The following ATP13A4 variants were observed in gnomAD, a reference collection of about 807,000 sequenced individuals.
The protein encoded by ATP13A4 is ATPase 13A4, also known as probable cation-transporting ATPase 13A4.
In ATP13A4, 114 loss-of-function variants were observed where a neutral mutation model predicts 142.5. The ratio of observed to expected loss-of-function variants is 0.80; its 90% CI spans 0.69 to 0.93. The LOEUF is 0.93. Among genes scored for constraint, ATP13A4 ranks in the 40% least tolerant of loss-of-function variants. The pLI is 0.00. For synonymous variants in ATP13A4, 488 were observed against 514.8 expected (o/e 0.95, Z 0.70); for missense variants, 1,392 against 1,454.0 (o/e 0.96, Z 0.69).
At chr3:193,431,320 A>T (rs2367599) in intron 25 of ATP13A4, among the ~76,000 whole-genome samples, 94,372 of 151,756 alleles carry the variant, frequency 0.62, 31,159 homozygotes, top group Non-Finnish European at 0.74. Flanking sequence ...GAGAATGTGA[A>T]GTTTAATTCC....
intron 17 of ATP13A4, among the ~76,000 whole-genome samples, chr3:193,449,045 T>C (rs1033636394): frequency 6.6e-6 from 1 of 152,188 alleles, no homozygotes; most frequent in African/African-American, 2.4e-5. Context: ...ATAATCAATA[T>C]TATTTTAGCC....
rs79831636 is a variant in ATP13A4 at position 193,408,305 on chromosome 3, T to C, written c.3298-912A>G. On this transcript the variant is annotated intron_variant, in intron 28 of 29. Transcript: ENST00000342695. ...AATGATATATGCACAATATTTTTAT[T>C]GCAGCTTTGTTTGTAATAAAAACTT... 7.7e-4 allele frequency among the ~76,000 whole-genome samples: 118 copies of C among 152,382 alleles called. 3 individuals carry two copies. The East Asian group carries it at 0.022, about 29-fold the overall frequency.
At chr3:193,524,582 T>G (rs1179285123) in intron 1 of ATP13A4, among the ~76,000 whole-genome samples, 1 of 152,220 alleles carries the variant, frequency 6.6e-6, no homozygotes, top group Non-Finnish European at 1.5e-5. Context: ...TACTGCTCAG[T>G]GTAAAGACTC....
rs572684193 is a variant in ATP13A4, at chr3:193,528,168, C to A, written c.61-13297G>T. ...ACTACCTGCTTAAGAACTGTCAGAG[C>A]GTCCTCTGGGAGAAGGAGCATGTCA... On this transcript the variant is annotated intron_variant, in intron 1 of 29. Transcript: ENST00000342695. 7.9e-5 allele frequency among the ~76,000 whole-genome samples: 12 copies of A among 152,292 alleles called. No homozygotes were observed. The South Asian group carries it at 2.5e-3, about 32-fold the overall frequency.
upstream of ATP13A4, chr3:193,555,250 C>A (rs183607351): frequency 1.2e-4 from 32 of 269,244 alleles, no homozygotes; most frequent in African/African-American, 6.5e-4. Context: ...TTCAGAGGAC[C>A]TAAGGAATTG....
intron 26 of ATP13A4, 82 bp from the exon 27 acceptor site, chr3:193,412,453 AAC>A (rs1312374512): frequency 2.2e-6 from 3 of 1,339,332 alleles, no homozygotes; most frequent in Admixed American, 3.4e-5. Flanking sequence ...TTCCATACCA[AAC>A]AGTGTCCAGA....
At chr3:193,410,952 G>T in intron 28 of ATP13A4, 30 bp downstream of exon 28, 1 of 1,337,810 alleles carries the variant, frequency 7.5e-7, no homozygotes, top group Non-Finnish European at 1.1e-6. Context: ...TAACTGTAAA[G>T]CATCATCATA....
chr3:193,488,769 A>T (rs1441954038), intron 7 of ATP13A4, among the ~76,000 whole-genome samples: 1 of 152,210 alleles, frequency 6.6e-6, no homozygotes. Context: ...CACGGTCAAG[A>T]GAAGAAATTG....
chr3:193,465,491 CTTCT>C (rs1320283481), intron 11 of ATP13A4, among the ~76,000 whole-genome samples: 2 of 152,090 alleles, frequency 1.3e-5, no homozygotes, highest in African/African-American at 4.8e-5. Flanking sequence ...CCCGGCCTTC[CTTCT>C]TTTTGTTTAC....
At chr3:193,463,315 C>T (rs1249686747) in intron 12 of ATP13A4, among the ~76,000 whole-genome samples, 2 of 151,372 alleles carry the variant, frequency 1.3e-5, no homozygotes, top group African/African-American at 4.9e-5. Context: ...TGGGTGAGTC[C>T]TAGTTTCATA....
intron 6 of ATP13A4, among the ~76,000 whole-genome samples, chr3:193,490,470 C>T (rs562347921): frequency 1.9e-4 from 29 of 152,202 alleles, no homozygotes; most frequent in Non-Finnish European, 3.2e-4. Context: ...TGCATGTTCT[C>T]ATAAGTAGAG....
intron 1 of ATP13A4, among the ~76,000 whole-genome samples, chr3:193,536,878 G>A (rs1054984484): frequency 6.6e-6 from 1 of 151,908 alleles, no homozygotes; most frequent in Non-Finnish European, 1.5e-5. Flanking sequence ...CCAAAGAAAT[G>A]AAATACATGT....
rs746938046 is a variant in ATP13A4 at position 193,465,130 on chromosome 3, T to G, written c.1273-2A>C. The G allele has an allele frequency of 8.1e-6, 13 of 1,613,446 alleles. No individual in the cohort carries two copies. Among genetic ancestry groups the G allele is most frequent in the Admixed American group, 6.7e-5 (4 of 59,976 alleles). On this transcript the variant is annotated splice_acceptor_variant, in intron 11 of 29. Transcript: ENST00000342695. LOFTEE classifies it high-confidence loss of function. The stretch of plus-strand genomic sequence containing the variant: ...CCTCACCACCTCCTCTGGAGGTTCC[T>G]GGACGACAGTCATTCTTTAATTATT...
At chr3:193,449,897 A>G (rs1055289132) in intron 17 of ATP13A4, among the ~76,000 whole-genome samples, 2 of 152,126 alleles carry the variant, frequency 1.3e-5, no homozygotes, top group Admixed American at 6.5e-5. Flanking sequence ...AGGTGGACGG[A>G]TCACCTGAGG....
chr3:193,492,943 G>A lies in ATP13A4; in HGVS notation c.507C>T (p.Gly169=), dbSNP rs543431169. The change falls in exon 5 of 30, where the codon GGC becomes GGT. Residue 169 remains glycine (G), a synonymous_variant. Transcript: ENST00000342695. The part of the protein sequence containing the change: ...SAKIHQKFGS[G]LTREEQEIRR... ...TAATCTCCTGTTCTTCTCTTGTCAA[G>A]CCTGATCCAAATTTTTGATGTATCT... 41 of 1,610,452 alleles carry A rather than the reference G, an allele frequency of 2.5e-5. No homozygotes were observed. Among genetic ancestry groups the A allele is most frequent in the Non-Finnish European group, 3.1e-5 (36 of 1,177,416 alleles).
At chr3:193,451,174 T>G (rs1717253200) in intron 17 of ATP13A4, among the ~76,000 whole-genome samples, 1 of 152,158 alleles carries the variant, frequency 6.6e-6, no homozygotes, top group Non-Finnish European at 1.5e-5. Context: ...CATGGGGGTT[T>G]GGCACAATAG....
intron 24 of ATP13A4, 67 bp from the exon 25 acceptor site, chr3:193,433,984 A>G: frequency 1.6e-6 from 2 of 1,250,438 alleles, no homozygotes; most frequent in South Asian, 2.4e-5. Context: ...TATTGATTAC[A>G]TTTATTTTCT....
chr3:193,545,663 G>A (rs985942440), intron 1 of ATP13A4, among the ~76,000 whole-genome samples: 10 of 151,982 alleles, frequency 6.6e-5, no homozygotes, highest in East Asian at 5.8e-4. Flanking sequence ...TGGATCCATC[G>A]GCAAATGACT....
chr3:193,534,425 A>G (rs1483413400), intron 1 of ATP13A4, among the ~76,000 whole-genome samples: 1 of 152,240 alleles, frequency 6.6e-6, no homozygotes, highest in African/African-American at 2.4e-5. Context: ...GAGATGTTAG[A>G]ATTATCTGAT....
Sources: gnomAD v4.1 joint callset for allele counts (sites outside exome capture counted in the v4.1 genomes callset) on GRCh38, gnomAD v4.1.1 for gene constraint, MANE v1.5 for transcripts, NCBI Gene and HGNC (gene_info 2026-07-23, HGNC 2026-07-21) for gene names.